Variants in SLC11A2 observed in about 807,000 individuals in gnomAD.
The protein encoded by SLC11A2 is solute carrier family 11 member 2.
Under a neutral mutation model 68.0 loss-of-function variants are expected in SLC11A2, and 38 were observed. The observed-to-expected ratio is 0.56, with a 90% confidence interval of 0.43 to 0.73. SLC11A2 has a LOEUF of 0.73. SLC11A2 is among the 30% of genes least tolerant of loss of function. The pLI is 0.00. For synonymous variants in SLC11A2, 242 were observed against 250.6 expected (o/e 0.97, Z 0.32); for missense variants, 517 against 690.5 (o/e 0.75, Z 2.82).
At chr12:50,973,713 C>T in the SLC11A2 span, among the ~76,000 whole-genome samples, 2 of 152,126 alleles carry the variant, frequency 1.3e-5, no homozygotes, top group Admixed American at 1.3e-4. Flanking sequence ...GAAGTTCAAA[C>T]CCAACACAAA....
intron 1 of SLC11A2, among the ~76,000 whole-genome samples, chr12:51,013,680 G>A (rs1326908112): frequency 6.6e-6 from 1 of 151,570 alleles, no homozygotes; most frequent in African/African-American, 2.4e-5. Flanking sequence ...TCAAGGCTGC[G>A]GTGAGCCATG....
At chr12:51,015,784 A>T (rs1285417595) in intron 1 of SLC11A2, among the ~76,000 whole-genome samples, 5 of 152,206 alleles carry the variant, frequency 3.3e-5, no homozygotes, top group Admixed American at 3.3e-4. Flanking sequence ...CCCTAACCAT[A>T]AAGTGTCACC....
chr12:50,986,061 G>C lies in SLC11A2; in HGVS notation c.*2264C>G. On this transcript the variant is annotated 3_prime_UTR_variant, in exon 16 of 16. Coordinates refer to ENST00000262052, the MANE Select transcript of SLC11A2 (RefSeq NM_000617.3). ...CGGTTAAATGGTTACTAAAAGCTCA[G>C]TTGTAACCACTCCTAACACCACTAG... The C allele has an allele frequency of 7.1e-6, 9 of 1,276,080 alleles. No homozygotes were observed. The highest frequency in any genetic ancestry group is 7.1e-6 in the Non-Finnish European group (7 of 984,666). 79.0% of individuals were successfully genotyped at this position (1,276,080 alleles called of 1,614,324 possible).
upstream of SLC11A2, chr12:51,028,090 T>C: frequency 1.2e-6 from 1 of 836,164 alleles, no homozygotes; most frequent in Non-Finnish European, 1.8e-6. Context: ...TGGCAACTTC[T>C]ATTATAACTA....
At chr12:51,007,744 G>A (rs979024718) in intron 3 of SLC11A2, among the ~76,000 whole-genome samples, 1 of 152,102 alleles carries the variant, frequency 6.6e-6, no homozygotes, top group African/African-American at 2.4e-5. Context: ...AGGCTCAAGT[G>A]ATCCTTCCAC....
rs1379530493 is a variant in SLC11A2, at chr12:50,986,558, C to A, written c.*1767G>T. On this transcript the variant is annotated 3_prime_UTR_variant, in exon 16 of 16. Coordinates refer to ENST00000262052, the MANE Select transcript of SLC11A2 (RefSeq NM_000617.3). Reference sequence around the variant, plus strand: ...AGGGCAAAGATACATGTTACCATATCATCTTTATAAAGAATTTTTTTTTTG... The same window carrying A: ...AGGGCAAAGATACATGTTACCATATAATCTTTATAAAGAATTTTTTTTTTG... 29 of 1,286,914 alleles carry A rather than the reference C, an allele frequency of 2.3e-5. No individual in the cohort carries two copies. The highest frequency in any genetic ancestry group is 2.7e-5 in the Non-Finnish European group (27 of 988,674). 79.7% of individuals were successfully genotyped at this position (1,286,914 alleles called of 1,614,324 possible).
chr12:51,014,381 G>C (rs1018540894), intron 1 of SLC11A2: 1 of 152,116 alleles, frequency 6.6e-6, no homozygotes, highest in African/African-American at 2.4e-5. Context: ...GATATTCTAA[G>C]TTCATTCCTA....
downstream of SLC11A2, among the ~76,000 whole-genome samples, chr12:50,976,186 C>A (rs1939846526): frequency 6.6e-6 from 1 of 151,974 alleles, no homozygotes; most frequent in South Asian, 2.1e-4. Flanking sequence ...AGAGACACAA[C>A]AAAAAAAGAG....
downstream of SLC11A2, chr12:50,981,545 G>A (rs1482262964): frequency 1.8e-6 from 1 of 561,678 alleles, no homozygotes; most frequent in East Asian, 3.4e-5. Flanking sequence ...TGAGGTGGGT[G>A]GGTCTCTGAC....
chr12:50,978,498 G>C (rs908158295), downstream of SLC11A2, among the ~76,000 whole-genome samples: 8 of 112,068 alleles, frequency 7.1e-5, no homozygotes, highest in African/African-American at 2.7e-4. Flanking sequence ...GTTTTGGGGT[G>C]GGGGGAGGGG....
intron 3 of SLC11A2, among the ~76,000 whole-genome samples, chr12:51,006,967 C>T (rs1455186689): frequency 5.3e-5 from 8 of 151,940 alleles, no homozygotes; most frequent in Non-Finnish European, 7.4e-5. Context: ...TGGTTGGTCT[C>T]GAACTCCTGG....
chr12:51,022,464 A>G (rs12312871), intron 1 of SLC11A2, among the ~76,000 whole-genome samples: 1,930 of 146,768 alleles, frequency 0.013, 45 homozygotes, highest in African/African-American at 0.045. Context: ...AAAATCCCCT[A>G]TTAAACCAGC....
At chr12:50,985,494 G>A (rs1314831519), downstream of SLC11A2, among the ~76,000 whole-genome samples, 1 of 152,158 alleles carries the variant, frequency 6.6e-6, no homozygotes, top group Admixed American at 6.5e-5. Flanking sequence ...AGTTCACTGT[G>A]CCTGAGCTCT....
chr12:50,977,331 A>C (rs1054496053), downstream of SLC11A2, among the ~76,000 whole-genome samples: 3 of 152,236 alleles, frequency 2.0e-5, no homozygotes, highest in Non-Finnish European at 4.4e-5. Flanking sequence ...GAGCCCTCAG[A>C]AATAATACCA....
chr12:50,982,572 A>T (rs1197238407), downstream of SLC11A2, among the ~76,000 whole-genome samples: 2 of 152,124 alleles, frequency 1.3e-5, no homozygotes, highest in Non-Finnish European at 2.9e-5. Context: ...GATTGCAGTG[A>T]GCCGAGATTG....
At chr12:50,965,277 C>T in the SLC11A2 span, among the ~76,000 whole-genome samples, 1 of 149,338 alleles carries the variant, frequency 6.7e-6, no homozygotes, top group Non-Finnish European at 1.5e-5. Flanking sequence ...CCATGCCTGG[C>T]TAATTTTTAA....
chr12:50,980,182 C>T (rs1939942043), downstream of SLC11A2: 1 of 335,662 alleles, frequency 3.0e-6, no homozygotes, highest in Non-Finnish European at 5.8e-6. Context: ...GCTGAGATCA[C>T]ACCACTGCAC....
In SLC11A2 at chr12:51,004,926, C is replaced by T. The variant is rs375172565; in HGVS notation, c.310-19G>A. 1.8e-5 allele frequency: 29 copies of T among 1,613,636 alleles called. No individual in the cohort carries two copies. In the African/African-American group the frequency reaches 3.1e-4, roughly 17 times the overall value. On this transcript the variant is annotated intron_variant, in intron 4 of 15. Transcript: ENST00000262052. ...AGAGCAACTAAGAAGAACAAAATCT[C>T]CTGTAACACTCATTGAACAACTGAG...
downstream of SLC11A2, chr12:50,981,283 G>A (rs706804): frequency 0.88 from 134,666 of 152,930 alleles, 60,119 homozygotes; most frequent in East Asian, 0.98. Context: ...AAAGAGCATT[G>A]TTCTCTTTTC....
Sources: gnomAD v4.1 joint callset for allele counts (sites outside exome capture counted in the v4.1 genomes callset) on GRCh38, gnomAD v4.1.1 for gene constraint, MANE v1.5 for transcripts, NCBI Gene and HGNC (gene_info 2026-07-23, HGNC 2026-07-21) for gene names.